DMD: variants seen among roughly 807,000 people sequenced by gnomAD.
DMD encodes dystrophin.
DMD carries 63 observed loss-of-function variants against 330.1 expected under a neutral mutation model. The observed-to-expected ratio is 0.19, with a 90% CI of 0.16 to 0.24. The LOEUF is 0.24. Among genes scored for constraint, DMD ranks in the 10% least tolerant of loss-of-function variants. The pLI is 1.00. For synonymous variants in DMD, 1,223 were observed against 959.8 expected, an observed-to-expected ratio of 1.27 and a Z score of -5.07; for missense variants, 3,344 against 2,684.1, an observed-to-expected ratio of 1.25 and a Z score of -5.43.
chrX:32,501,934 G>C, intron 18 of DMD, 92 bp from the exon 19 acceptor site: 1 of 666,534 alleles, frequency 1.5e-6, no homozygotes, highest in East Asian at 3.6e-5. Flanking sequence ...CAAGCCTTAA[G>C]ATGTTTCACT....
At chrX:32,183,576 AT>A (rs1418706111) in intron 44 of DMD, among the ~76,000 whole-genome samples, 14 of 101,949 alleles carry the variant, frequency 1.4e-4, no homozygotes, top group African/African-American at 4.6e-4. Context: ...ATATAAATAT[AT>A]ATATATATAT....
intron 44 of DMD, among the ~76,000 whole-genome samples, chrX:32,022,825 CT>C (rs753993138): frequency 0.1 from 9,303 of 90,218 alleles, 639 homozygotes; most frequent in African/African-American, 0.24. Flanking sequence ...GTATAATCCT[CT>C]TTTTTTTTTT....
intron 41 of DMD, among the ~76,000 whole-genome samples, chrX:32,328,068 T>C (rs1318777101): frequency 2.7e-5 from 3 of 111,810 alleles, no homozygotes; most frequent in Admixed American, 9.6e-5. Flanking sequence ...CAAATAATTA[T>C]GTTAATTATT....
intron 44 of DMD, among the ~76,000 whole-genome samples, chrX:32,062,175 G>A (rs772153762): frequency 7.2e-5 from 8 of 110,586 alleles, no homozygotes; most frequent in Non-Finnish European, 1.3e-4. Flanking sequence ...GTCTGGCTTC[G>A]TATCAAGCAG....
chrX:33,194,406 G>A (rs1353902305), intron 1 of DMD, among the ~76,000 whole-genome samples: 3 of 109,765 alleles, frequency 2.7e-5, no homozygotes, highest in East Asian at 5.7e-4. Flanking sequence ...TTTGGCATAC[G>A]GAGATCAAAA....
intron 1 of DMD, among the ~76,000 whole-genome samples, chrX:33,129,325 C>CTTTTTTTTTTTTTTTTT (rs58505662): frequency 3.3e-5 from 1 of 30,720 alleles, no homozygotes; most frequent in Non-Finnish European, 5.2e-5. Context: ...TTAAGGTTTG[C>CTTTTTTTTTTTTTTTTT]TTTTTTTTTT....
intron 46 of DMD, 151 bp from the exon 47 acceptor site, chrX:31,929,896 A>G: frequency 4.8e-6 from 3 of 621,200 alleles, no homozygotes; most frequent in Middle Eastern, 3.5e-4. Context: ...CTATCTGAGC[A>G]CAGAGCTGAT....
At chrX:31,832,326 T>G (rs764774770) in intron 49 of DMD, among the ~76,000 whole-genome samples, 1 of 111,564 alleles carries the variant, frequency 9.0e-6, no homozygotes, top group Non-Finnish European at 1.9e-5. Flanking sequence ...AAATAAACCC[T>G]AAGGAAGTTT....
chrX:32,491,579 G>C, intron 19 of DMD, 61 bp from the exon 20 acceptor site: 1 of 1,071,113 alleles, frequency 9.3e-7, no homozygotes, highest in Non-Finnish European at 1.3e-6. Flanking sequence ...GAAATGATCT[G>C]AAAGCCAACA....
chrX:32,674,643 A>G (rs1463473575), intron 9 of DMD, among the ~76,000 whole-genome samples: 1 of 111,144 alleles, frequency 9.0e-6, no homozygotes, highest in Non-Finnish European at 1.9e-5. Context: ...CATATGATCT[A>G]AGAGTTTCCA....
chrX:33,143,664 A>T (rs1015550352), intron 1 of DMD, among the ~76,000 whole-genome samples: 3 of 111,749 alleles, frequency 2.7e-5, no homozygotes, highest in African/African-American at 9.7e-5. Flanking sequence ...AAAAGAAAAA[A>T]TGTCTTTGAG....
At chrX:31,923,794 TGCC>T (rs2094728250) in intron 47 of DMD, among the ~76,000 whole-genome samples, 1 of 111,173 alleles carries the variant, frequency 9.0e-6, no homozygotes, top group South Asian at 3.8e-4. Context: ...GACGGAGTTT[TGCC>T]ATGTTGGCTG....
chrX:32,182,530 C>A (rs1171762270), intron 44 of DMD, among the ~76,000 whole-genome samples: 1 of 111,128 alleles, frequency 9.0e-6, no homozygotes, highest in South Asian at 3.8e-4. Flanking sequence ...CCCCTCCCCC[C>A]AGGTCTGTGG....
At chrX:31,508,108 G>T in intron 55 of DMD, 3 of 648,807 alleles carry the variant, frequency 4.6e-6, no homozygotes, top group Non-Finnish European at 7.2e-6. Flanking sequence ...CAGGTGGAAA[G>T]TACATAGGAC....
chrX:31,376,203 T>C (rs979217449), intron 60 of DMD, among the ~76,000 whole-genome samples: 2 of 112,162 alleles, frequency 1.8e-5, no homozygotes, highest in East Asian at 2.8e-4. Flanking sequence ...ACAAAACAGA[T>C]CTCTTTAAAA....
At chrX:32,151,881 T>G (rs2147170718) in intron 44 of DMD, among the ~76,000 whole-genome samples, 1 of 111,912 alleles carries the variant, frequency 8.9e-6, no homozygotes, top group South Asian at 3.7e-4. Context: ...TTAATTAATT[T>G]TCTCTTCCAT....
At chrX:32,688,084 T>G (rs1286712262) in intron 9 of DMD, among the ~76,000 whole-genome samples, 5 of 112,214 alleles carry the variant, frequency 4.5e-5, no homozygotes, top group African/African-American at 1.6e-4. Context: ...AAACAAACTA[T>G]TAATGATTAC....
At chrX:32,440,167 G>C (rs1353196815) in intron 28 of DMD, among the ~76,000 whole-genome samples, 1 of 111,434 alleles carries the variant, frequency 9.0e-6, no homozygotes, top group African/African-American at 3.3e-5. Flanking sequence ...CTGTAAATTT[G>C]CTGCAACTTT....
chrX:32,746,234 CAAAG>C (rs754279886), intron 7 of DMD, among the ~76,000 whole-genome samples: 23 of 112,177 alleles, frequency 2.1e-4, no homozygotes, highest in Non-Finnish European at 4.1e-4. Context: ...ATATGTTACT[CAAAG>C]ACGTTCTATC....
Sources: gnomAD v4.1 joint callset for allele counts (sites outside exome capture counted in the v4.1 genomes callset) on GRCh38, gnomAD v4.1.1 for gene constraint, MANE v1.5 for transcripts, NCBI Gene and HGNC (gene_info 2026-07-23, HGNC 2026-07-21) for gene names.